The following SLC5A4 variants were observed in gnomAD, a reference collection of about 807,000 sequenced individuals.
SLC5A4 encodes probable glucose sensor protein SLC5A4.
Under a neutral mutation model 70.3 loss-of-function variants are expected in SLC5A4, and 55 were observed. The observed-to-expected ratio is 0.78, with a 90% confidence interval of 0.63 to 0.98. SLC5A4 has a LOEUF of 0.98. Ranked by LOEUF, SLC5A4 falls within the 50% of genes least tolerant of loss-of-function variation. The probability of loss-of-function intolerance (pLI) is 0.00; values close to 1 mark genes in which losing one functional copy is unlikely to be tolerated. For missense variants in SLC5A4, 735 were observed against 839.2 expected, an observed-to-expected ratio of 0.88 and a Z score of 1.53; for synonymous variants, 268 against 305.7, an observed-to-expected ratio of 0.88 and a Z score of 1.29.
chr22:32,272,409 C>A, the SLC5A4 span: 3 of 904,566 alleles, frequency 3.3e-6, no homozygotes, highest in East Asian at 7.8e-5. Context: ...CGGGCATGGC[C>A]TTCATGGTCG....
chr22:32,331,040 TGGTG>T, the SLC5A4 span, among the ~76,000 whole-genome samples: 1 of 101,984 alleles, frequency 9.8e-6, no homozygotes, highest in African/African-American at 3.8e-5. Context: ...TTGGAGGCTC[TGGTG>T]TGTGTGTGTT....
At chr22:32,326,233 G>C in the SLC5A4 span, among the ~76,000 whole-genome samples, 2 of 151,686 alleles carry the variant, frequency 1.3e-5, no homozygotes, top group African/African-American at 4.9e-5. Context: ...GGCGCTGACT[G>C]TATGCACGTG....
At chr22:32,352,588 T>TG in the SLC5A4 span, among the ~76,000 whole-genome samples, 1 of 152,124 alleles carries the variant, frequency 6.6e-6, no homozygotes. Context: ...CTCCTTCCCC[T>TG]GGCTGCACCT....
At chr22:32,268,175 A>C in the SLC5A4 span, 2 of 152,188 alleles carry the variant, frequency 1.3e-5, no homozygotes, top group Admixed American at 1.3e-4. Flanking sequence ...ATGTTTCACT[A>C]GTAATTGTGC....
the SLC5A4 span, among the ~76,000 whole-genome samples, chr22:32,344,361 T>C: frequency 6.6e-6 from 1 of 152,180 alleles, no homozygotes; most frequent in African/African-American, 2.4e-5. Flanking sequence ...ATGAGCCTTC[T>C]ATTTCTCATT....
At chr22:32,258,164 T>C (rs555953137), upstream of SLC5A4, among the ~76,000 whole-genome samples, 1 of 152,238 alleles carries the variant, frequency 6.6e-6, no homozygotes, top group East Asian at 1.9e-4. Context: ...AATTTTTGTA[T>C]TTTTAGTGGA....
chr22:32,265,601 A>G, the SLC5A4 span, among the ~76,000 whole-genome samples: 1 of 152,058 alleles, frequency 6.6e-6, no homozygotes, highest in South Asian at 2.1e-4. Flanking sequence ...ACACTTTCGG[A>G]GGCTGAGGTG....
In SLC5A4 at chr22:32,239,595, AATT is replaced by A. The variant is rs1569375173; in HGVS notation, c.478-508_478-506del. 4.9e-3 allele frequency among the ~76,000 whole-genome samples: 91 copies of A among 18,710 alleles called. 8 individuals are homozygous for A. The highest frequency in any genetic ancestry group is 0.034 in the African/African-American group (86 of 2,506). 12.3% of individuals were successfully genotyped at this position (18,710 alleles called of 152,430 possible). ...TTATATATATATTTATATATATATA[AATT>A]ATATAAAATATATGTATAATATATA... On this transcript the variant is annotated intron_variant, in intron 5 of 14. Coordinates refer to ENST00000266086, the MANE Select transcript of SLC5A4 (RefSeq NM_014227.3).
the SLC5A4 span, among the ~76,000 whole-genome samples, chr22:32,309,902 G>C: frequency 6.6e-6 from 1 of 151,740 alleles, no homozygotes; most frequent in African/African-American, 2.4e-5. Context: ...ATGTGTGCTG[G>C]GTCTCGGTGA....
the SLC5A4 span, among the ~76,000 whole-genome samples, chr22:32,338,478 C>A: frequency 6.6e-6 from 1 of 152,046 alleles, no homozygotes; most frequent in Non-Finnish European, 1.5e-5. Context: ...AGTGAACCTC[C>A]CCCACCACCC....
At chr22:32,268,939 C>A in the SLC5A4 span, among the ~76,000 whole-genome samples, 3 of 152,186 alleles carry the variant, frequency 2.0e-5, no homozygotes, top group South Asian at 6.2e-4. Context: ...CTCTTTCGCC[C>A]AGGCTGAGTG....
At chr22:32,347,307 C>G in the SLC5A4 span, among the ~76,000 whole-genome samples, 17 of 151,862 alleles carry the variant, frequency 1.1e-4, no homozygotes, top group East Asian at 3.9e-4. Flanking sequence ...AGATTCCTCA[C>G]GGATCTAGAA....
At chr22:32,239,554 A>ATATATATATATT (rs1926321521) in intron 5 of SLC5A4, among the ~76,000 whole-genome samples, 49 of 16,738 alleles carry the variant, frequency 2.9e-3, no homozygotes, top group African/African-American at 5.8e-3. Context: ...ATATATATAT[A>ATATATATATATT]TATATATATA....
the SLC5A4 span, among the ~76,000 whole-genome samples, chr22:32,353,689 C>T: frequency 6.6e-6 from 1 of 152,084 alleles, no homozygotes; most frequent in East Asian, 1.9e-4. Flanking sequence ...CCAATGGCGA[C>T]CCCAACCTGC....
At chr22:32,305,007 GCTC>G in the SLC5A4 span, among the ~76,000 whole-genome samples, 3 of 151,944 alleles carry the variant, frequency 2.0e-5, no homozygotes, top group African/African-American at 7.3e-5. Flanking sequence ...TGTTGCTTTT[GCTC>G]CTCTGTCAAA....
the SLC5A4 span, among the ~76,000 whole-genome samples, chr22:32,332,610 T>A: frequency 6.6e-5 from 10 of 152,194 alleles, no homozygotes; most frequent in Non-Finnish European, 1.5e-4. Flanking sequence ...GAGGCTGCCC[T>A]GGCGTTGGGA....
chr22:32,334,285 T>C, the SLC5A4 span, among the ~76,000 whole-genome samples: 1 of 152,100 alleles, frequency 6.6e-6, no homozygotes, highest in Non-Finnish European at 1.5e-5. Context: ...CGTCCCATGG[T>C]GGTAACAATG....
At chr22:32,352,002 T>C in the SLC5A4 span, among the ~76,000 whole-genome samples, 2 of 151,938 alleles carry the variant, frequency 1.3e-5, no homozygotes, top group East Asian at 1.9e-4. Context: ...AGACCTATTA[T>C]ACATTTTGTC....
At chr22:32,255,536 G>T (rs1050746294), upstream of SLC5A4, among the ~76,000 whole-genome samples, 3 of 152,070 alleles carry the variant, frequency 2.0e-5, no homozygotes, top group African/African-American at 7.2e-5. Context: ...AGGGATGCAG[G>T]GCCAGAAATG....
Sources: allele counts gnomAD v4.1 joint callset (sites outside exome capture counted in the v4.1 genomes callset), GRCh38; gene constraint gnomAD v4.1.1; transcripts MANE v1.5; gene names NCBI Gene and HGNC (gene_info 2026-07-23, HGNC 2026-07-21).